Variants in OTC observed in about 807,000 individuals in gnomAD.
OTC encodes ornithine transcarbamylase.
Under a neutral mutation model 30.3 loss-of-function variants are expected in OTC, and 3 were observed. That is an observed-to-expected ratio of 0.10 (90% CI 0.05 to 0.26). The LOEUF (loss-of-function observed/expected upper bound fraction) is 0.26, where lower values mean the gene tolerates loss of function less well. Ranked by LOEUF, OTC falls within the 10% of genes least tolerant of loss-of-function variation. The pLI is 1.00. For missense variants in OTC, 194 were observed against 260.3 expected (o/e 0.75, Z 1.75); for synonymous variants, 111 against 99.7 (o/e 1.11, Z -0.67).
At chrX:38,370,682 A>T (rs959219062) in intron 3 of OTC, among the ~76,000 whole-genome samples, 3 of 111,282 alleles carry the variant, frequency 2.7e-5, no homozygotes, top group Admixed American at 9.6e-5. Context: ...CTGGGATTCA[A>T]TCTGAGAGGC....
Position 38,421,432 on chromosome X carries a change from T to A in OTC, c.*350T>A. On this transcript the variant is annotated 3_prime_UTR_variant, in exon 10 of 10. Transcript: ENST00000039007. ...ATCTATGCTTATTACCTAAATAAAT[T>A]ATCACCCATGCTAATTTATAAGTAA... 1 of 183,448 alleles carries A rather than the reference T, an allele frequency of 5.5e-6. No homozygotes were observed. The highest frequency in any genetic ancestry group is 1.0e-5 in the Non-Finnish European group (1 of 98,790). The allele number at this position is 183,448 out of a possible 1,213,427, so 15.1% of individuals were successfully genotyped here. A position where few individuals can be genotyped will look rare whatever the true frequency, so the allele number is the denominator to read the frequency against.
At chrX:38,349,134 G>A (rs775490606), upstream of OTC, among the ~76,000 whole-genome samples, 3 of 111,612 alleles carry the variant, frequency 2.7e-5, no homozygotes, top group Non-Finnish European at 5.6e-5. Flanking sequence ...CGAGAAAGGG[G>A]TTTGGGTTCA....
At chrX:38,402,282 TC>T (rs367862387) in intron 5 of OTC, among the ~76,000 whole-genome samples, 45 of 76,183 alleles carry the variant, frequency 5.9e-4, no homozygotes, top group Non-Finnish European at 7.9e-4. Context: ...ATTTAATGCT[TC>T]CCCCTGGGGC....
chrX:38,331,456 T>TTG, the OTC span, among the ~76,000 whole-genome samples: 5 of 26,886 alleles, frequency 1.9e-4, no homozygotes, highest in Non-Finnish European at 4.6e-4. Context: ...TTTTTTTTTG[T>TTG]TTGTTTTTTT....
upstream of OTC, among the ~76,000 whole-genome samples, chrX:38,350,869 T>A (rs1424215867): frequency 2.7e-5 from 3 of 111,201 alleles, no homozygotes; most frequent in Non-Finnish European, 3.8e-5. Context: ...TCAGTGAAGA[T>A]ATGGGGTCAA....
intron 2 of OTC, among the ~76,000 whole-genome samples, chrX:38,369,137 C>G (rs1474300088): frequency 9.0e-6 from 1 of 110,836 alleles, no homozygotes; most frequent in Non-Finnish European, 1.9e-5. Context: ...CACCTCCAAA[C>G]CAAACACCTT....
rs142229659 is a variant in OTC, at chrX:38,384,568, T to C, written c.386+3139T>C. 1.7e-3 allele frequency among the ~76,000 whole-genome samples: 191 copies of C among 112,169 alleles called. 4 individuals are homozygous for C. The East Asian group carries it at 0.051, about 30-fold the overall frequency. ...ATATGCACCTTGTAACCCTCAGCAA[T>C]CGCTTCCTTTGCTTTTTGTAGAAGT... On this transcript the variant is annotated intron_variant, in intron 4 of 9. Transcript: ENST00000039007.
intron 1 of OTC, among the ~76,000 whole-genome samples, chrX:38,358,665 A>T (rs939171604): frequency 1.1e-5 from 1 of 93,397 alleles, no homozygotes; most frequent in African/African-American, 4.1e-5. Flanking sequence ...TCTGTCACCC[A>T]GGCTGGAGTG....
At chrX:38,330,368 G>A in the OTC span, among the ~76,000 whole-genome samples, 12 of 111,976 alleles carry the variant, frequency 1.1e-4, no homozygotes, top group Middle Eastern at 4.7e-3. Context: ...ATAATAAATG[G>A]GTATTGTTTA....
chrX:38,350,132 C>T (rs182192678), upstream of OTC, among the ~76,000 whole-genome samples: 52 of 111,361 alleles, frequency 4.7e-4, no homozygotes, highest in East Asian at 0.011. Context: ...GAGAGGGTCA[C>T]GTCAAGCTGG....
chrX:38,349,735 T>C (rs2068205149), upstream of OTC, among the ~76,000 whole-genome samples: 1 of 112,274 alleles, frequency 8.9e-6, no homozygotes, highest in East Asian at 2.8e-4. Flanking sequence ...GTGAGGAATA[T>C]GAGAAGTTTA....
chrX:38,342,106 G>A, the OTC span, among the ~76,000 whole-genome samples: 1 of 96,019 alleles, frequency 1.0e-5, no homozygotes, highest in Admixed American at 1.2e-4. Flanking sequence ...TGCAACCTCC[G>A]CCTCCCGGGT....
At chrX:38,418,906 G>A (rs1020838848) in intron 9 of OTC, among the ~76,000 whole-genome samples, 1 of 111,763 alleles carries the variant, frequency 8.9e-6, no homozygotes, top group Non-Finnish European at 1.9e-5. Flanking sequence ...TTTATCAGCA[G>A]CGTGAAAAAG....
intron 1 of OTC, among the ~76,000 whole-genome samples, chrX:38,365,544 T>C (rs185288549): frequency 8.9e-6 from 1 of 112,518 alleles, no homozygotes; most frequent in African/African-American, 3.2e-5. Context: ...ATAAAATGTG[T>C]TGCAGAAACC....
chrX:38,347,065 C>G, the OTC span, among the ~76,000 whole-genome samples: 1 of 112,235 alleles, frequency 8.9e-6, no homozygotes, highest in African/African-American at 3.2e-5. Context: ...CAAGGTTATT[C>G]AACCAATAAA....
At chrX:38,375,207 G>T (rs958550323) in intron 3 of OTC, among the ~76,000 whole-genome samples, 2 of 112,044 alleles carry the variant, frequency 1.8e-5, no homozygotes, top group Non-Finnish European at 3.8e-5. Context: ...TAATAAATAA[G>T]TGGATGATAC....
chrX:38,394,721 C>T (rs901309757), intron 4 of OTC, among the ~76,000 whole-genome samples: 1 of 111,479 alleles, frequency 9.0e-6, no homozygotes, highest in Non-Finnish European at 1.9e-5. Context: ...CTACTCAAAA[C>T]TTTATCCTCA....
intron 1 of OTC, among the ~76,000 whole-genome samples, chrX:38,353,019 C>T (rs771802229): frequency 1.8e-5 from 2 of 111,918 alleles, no homozygotes; most frequent in East Asian, 5.6e-4. Flanking sequence ...TGACATCTTT[C>T]GTTTGTGTAC....
the OTC span, among the ~76,000 whole-genome samples, chrX:38,333,152 T>C: frequency 1.9e-5 from 2 of 103,974 alleles, no homozygotes; most frequent in East Asian, 6.0e-4. Context: ...GAGGCGGAGG[T>C]TGGAGTGAGC....
Sources: gnomAD v4.1 joint callset for allele counts (sites outside exome capture counted in the v4.1 genomes callset) on GRCh38, gnomAD v4.1.1 for gene constraint, MANE v1.5 for transcripts, NCBI Gene and HGNC (gene_info 2026-07-23, HGNC 2026-07-21) for gene names.